Variants in MDM2 observed in about 807,000 individuals in gnomAD.
The protein encoded by MDM2 is E3 ubiquitin-protein ligase Mdm2.
In MDM2, 11 loss-of-function variants were observed where a neutral mutation model predicts 64.3. The ratio of observed to expected loss-of-function variants is 0.17; its 90% CI spans 0.11 to 0.28. MDM2 has a LOEUF of 0.28. Among genes scored for constraint, MDM2 ranks in the 10% least tolerant of loss-of-function variants. The probability of loss-of-function intolerance (pLI) is 1.00; values close to 1 mark genes in which losing one functional copy is unlikely to be tolerated. For synonymous variants in MDM2, 194 were observed against 192.9 expected (o/e 1.01, Z -0.05); for missense variants, 388 against 577.1 (o/e 0.67, Z 3.36).
chr12:68,836,530 C>A, intron 9 of MDM2, 142 bp from the exon 10 acceptor site: 1 of 634,864 alleles, frequency 1.6e-6, no homozygotes, highest in Non-Finnish European at 2.9e-6. Flanking sequence ...TCCCCCTTTA[C>A]ACTCACTTAC....
intron 8 of MDM2, among the ~76,000 whole-genome samples, chr12:68,834,561 GC>G (rs1383403635): frequency 6.6e-6 from 1 of 151,670 alleles, no homozygotes; most frequent in Non-Finnish European, 1.5e-5. Flanking sequence ...ACATGGTGAA[GC>G]CCTGCCTCTA....
rs1235352331 is a variant in MDM2, at chr12:68,842,280, G to A, written c.*2431G>A. On this transcript the variant is annotated 3_prime_UTR_variant, in exon 11 of 11. Coordinates refer to ENST00000258149, the MANE Select transcript of MDM2 (RefSeq NM_002392.6). Reference sequence around the variant, plus strand: ...ACTACGGAAAGTTCAGGACATCAAAGAAGTCAGGCAAAACTCATCTTGACC... The same window carrying A: ...ACTACGGAAAGTTCAGGACATCAAAAAAGTCAGGCAAAACTCATCTTGACC... 2.0e-6 allele frequency: 1 copy of A among 496,552 alleles called. No homozygotes were observed. The highest frequency in any genetic ancestry group is 4.7e-5 in the East Asian group (1 of 21,388). 30.8% of individuals were successfully genotyped at this position (496,552 alleles called of 1,614,324 possible).
chr12:68,849,028 T>A (rs1884516782), downstream of MDM2: 1 of 151,592 alleles, frequency 6.6e-6, no homozygotes. Context: ...AAGCATTTTT[T>A]AACCACAAGG....
chr12:68,832,242 T>A (rs2136156686), intron 8 of MDM2, among the ~76,000 whole-genome samples: 1 of 152,286 alleles, frequency 6.6e-6, no homozygotes, highest in East Asian at 1.9e-4. Context: ...GGAAAGTGCA[T>A]TCCTCTCCCA....
intron 2 of MDM2, among the ~76,000 whole-genome samples, chr12:68,810,713 G>A (rs1049979520): frequency 3.3e-5 from 5 of 152,064 alleles, no homozygotes; most frequent in South Asian, 4.2e-4. Context: ...CGCCCGCCTC[G>A]GCCTCCCAAA....
intron 3 of MDM2, 26 bp from the exon 4 acceptor site, chr12:68,816,786 G>T: frequency 6.4e-7 from 1 of 1,554,334 alleles, no homozygotes. Flanking sequence ...TTTCTTTAAT[G>T]CTCAGAAATC....
At chr12:68,822,544 T>C (rs1881947464) in intron 5 of MDM2, among the ~76,000 whole-genome samples, 1 of 152,164 alleles carries the variant, frequency 6.6e-6, no homozygotes, top group African/African-American at 2.4e-5. Context: ...TTGTAGTATT[T>C]GTAGTAGTAG....
At chr12:68,829,525 G>A (rs906981800) in intron 8 of MDM2, among the ~76,000 whole-genome samples, 3 of 152,034 alleles carry the variant, frequency 2.0e-5, no homozygotes, top group Non-Finnish European at 2.9e-5. Context: ...CAGTACTTTC[G>A]GAGGCTGAGG....
chr12:68,832,503 T>TA lies in MDM2; in HGVS notation c.685-3319dup, dbSNP rs556935394. On this transcript the variant is annotated intron_variant, in intron 8 of 10. Coordinates refer to ENST00000258149, the MANE Select transcript of MDM2 (RefSeq NM_002392.6). ...TTGCAGAGCAAGCCTATCTGATGCT[T>TA]AAAAAAATATATATTTTTTAAATTT... 1.5e-3 allele frequency among the ~76,000 whole-genome samples: 232 copies of TA among 152,134 alleles called. 2 individuals are homozygous for TA. The highest frequency in any genetic ancestry group is 5.4e-3 in the African/African-American group (223 of 41,498).
chr12:68,830,162 A>G (rs1695144), intron 8 of MDM2, among the ~76,000 whole-genome samples: 2,774 of 152,058 alleles, frequency 0.018, 36 homozygotes, highest in African/African-American at 0.028. Flanking sequence ...AAACCAAAGG[A>G]TTGGATACAT....
In MDM2 at chr12:68,839,551, A is replaced by T. The variant is rs1261148726; in HGVS notation, c.1196A>T (p.Asp399Val). 1 of 1,613,926 alleles carries T rather than the reference A, an allele frequency of 6.2e-7. No individual in the cohort carries two copies. The highest frequency in any genetic ancestry group is 1.7e-5 in the Admixed American group (1 of 59,954). Reference protein sequence around the residue: ...TQASQSQESEDYSQPSTSSSI... With the variant: ...TQASQSQESEVYSQPSTSSSI... Reference sequence around the variant, plus strand: ...GCTTCACAATCACAAGAAAGTGAAGACTATTCTCAGCCATCAACTTCTAGT... The same window carrying T: ...GCTTCACAATCACAAGAAAGTGAAGTCTATTCTCAGCCATCAACTTCTAGT... Residue 399 changes from aspartate to valine, a missense_variant, in exon 11 of 11, where the codon GAC becomes GTC. Asp to Val is a radical substitution (Grantham distance 152). Transcript: ENST00000258149.
chr12:68,827,265 C>A (rs1882415167), intron 7 of MDM2, among the ~76,000 whole-genome samples: 1 of 152,030 alleles, frequency 6.6e-6, no homozygotes, highest in South Asian at 2.1e-4. Flanking sequence ...AAAATGATAT[C>A]ATTTCACTTT....
Position 68,837,786 on chromosome 12 carries a change from A to T in MDM2, c.918+1037A>T, listed in dbSNP as rs547288760. Among the ~76,000 whole-genome samples the T allele has an allele frequency of 2.9e-4, 44 of 152,272 alleles. 1 individual carries two copies. The highest frequency in any genetic ancestry group is 1.1e-3 in the African/African-American group (44 of 41,564). On this transcript the variant is annotated intron_variant, in intron 10 of 10. Coordinates refer to ENST00000258149, the MANE Select transcript of MDM2 (RefSeq NM_002392.6). Reference sequence around the variant, plus strand: ...TTCCTGAGGTATTATAGGTTTTTTTAAAACTATTGTGCTTTAGTTTTTGTT... The same window carrying T: ...TTCCTGAGGTATTATAGGTTTTTTTTAAACTATTGTGCTTTAGTTTTTGTT...
At chr12:68,827,264 T>C (rs3730594) in intron 7 of MDM2, among the ~76,000 whole-genome samples, 65 of 152,128 alleles carry the variant, frequency 4.3e-4, no homozygotes, top group African/African-American at 1.5e-3. Context: ...AAAAATGATA[T>C]CATTTCACTT....
chr12:68,838,879 C>G (rs1223528930), intron 10 of MDM2, among the ~76,000 whole-genome samples: 1 of 150,608 alleles, frequency 6.6e-6, no homozygotes, highest in Non-Finnish European at 1.5e-5. Flanking sequence ...TGTACTTACT[C>G]TACTTTAGGA....
intron 8 of MDM2, among the ~76,000 whole-genome samples, chr12:68,829,618 T>C (rs1882627587): frequency 6.6e-6 from 1 of 152,014 alleles, no homozygotes; most frequent in African/African-American, 2.4e-5. Flanking sequence ...ATACAAAAAT[T>C]AGCCAGGCGT....
rs1204697214 is a variant in MDM2 at position 68,833,311 on chromosome 12, A to AT, written c.685-2518_685-2517insT. On this transcript the variant is annotated intron_variant, in intron 8 of 10. Coordinates refer to ENST00000258149, the MANE Select transcript of MDM2 (RefSeq NM_002392.6). ...AATATATATATTTATATAAATATAA[A>AT]AATATAATTATATAAATATAAAAAT... Among the ~76,000 whole-genome samples the AT allele has an allele frequency of 1.6e-3, 85 of 54,768 alleles. 2 individuals are homozygous for AT. Among genetic ancestry groups the AT allele is most frequent in the African/African-American group, 5.0e-3 (59 of 11,710 alleles). The allele number at this position is 54,768 out of a possible 152,430, so 35.9% of individuals were successfully genotyped here.
rs929476879 is a variant in MDM2 at position 68,839,732 on chromosome 12, C to T, written c.1377C>T (p.Gly459=). The change falls in exon 11 of 11, where the codon GGC becomes GGT. Residue 459 remains glycine, a synonymous_variant. Transcript: ENST00000258149. ...CTAAAAATGGTTGCATTGTCCATGGCAAAACAGGACATCTTATGGCCTGCT... is the reference window on the plus strand; with the variant it reads ...CTAAAAATGGTTGCATTGTCCATGGTAAAACAGGACATCTTATGGCCTGCT... ...GRPKNGCIVH[G]KTGHLMACFT... 2 of 1,613,590 alleles carry T rather than the reference C, an allele frequency of 1.2e-6. No individual in the cohort carries two copies. The highest frequency in any genetic ancestry group is 3.3e-5 in the Admixed American group (2 of 59,940).
At chr12:68,814,583 C>A (rs1275738150) in intron 3 of MDM2, 2 of 376,634 alleles carry the variant, frequency 5.3e-6, no homozygotes, top group Non-Finnish European at 1.0e-5. Flanking sequence ...AATTAATGGA[C>A]CCCCTGAATT....
Sources: allele counts gnomAD v4.1 joint callset (sites outside exome capture counted in the v4.1 genomes callset), GRCh38; gene constraint gnomAD v4.1.1; transcripts MANE v1.5; gene names NCBI Gene and HGNC (gene_info 2026-07-23, HGNC 2026-07-21).